TNIP1: variants seen among roughly 807,000 people sequenced by gnomAD.
TNIP1 encodes the protein TNFAIP3-interacting protein 1.
A neutral mutation model predicts 86.6 loss-of-function variants in TNIP1; 22 were observed. The ratio of observed to expected loss-of-function variants is 0.25; its 90% confidence interval spans 0.18 to 0.36. TNIP1 has a LOEUF of 0.36. Among genes scored for constraint, TNIP1 ranks in the 10% least tolerant of loss-of-function variants. The probability of loss-of-function intolerance (pLI) is 1.00; values close to 1 mark genes in which losing one functional copy is unlikely to be tolerated. For synonymous variants in TNIP1, 294 were observed against 313.0 expected (o/e 0.94, Z 0.64); for missense variants, 709 against 820.6 (o/e 0.86, Z 1.66).
intron 7 of TNIP1, 76 bp from the exon 8 acceptor site, chr5:151,050,023 T>G (rs1759701462): frequency 2.5e-6 from 4 of 1,595,386 alleles, no homozygotes; most frequent in Admixed American, 3.4e-5. Flanking sequence ...TAATGCTCAC[T>G]ATCGCATGAG....
intron 11 of TNIP1, among the ~76,000 whole-genome samples, chr5:151,039,722 A>C (rs1758178420): frequency 6.6e-6 from 1 of 152,242 alleles, no homozygotes; most frequent in African/African-American, 2.4e-5. Context: ...TAAACTACGG[A>C]TAATCCCTAA....
rs769905898 is a variant in TNIP1 at position 151,065,122 on chromosome 5, G to A, written c.-27C>T. 2 of 1,605,948 alleles carry A rather than the reference G, an allele frequency of 1.2e-6. No individual in the cohort carries two copies. The highest frequency in any genetic ancestry group is 2.2e-5 in the East Asian group (1 of 44,698). ...AGGGTAGCTCAGCCCCTGCCGTGGT[G>A]CCCGCCTGGCTGTAAGGACAACAGC... On this transcript the variant is annotated 5_prime_UTR_variant, in exon 2 of 18. Coordinates refer to ENST00000521591, the MANE Select transcript of TNIP1 (RefSeq NM_006058.5).
chr5:151,084,513 A>G (rs1764204990), upstream of TNIP1, among the ~76,000 whole-genome samples: 1 of 152,074 alleles, frequency 6.6e-6, no homozygotes, highest in South Asian at 2.1e-4. Context: ...GAGCCACACC[A>G]AGGGCCAGAG....
intron 1 of TNIP1, chr5:151,080,365 G>A (rs1763864654): frequency 6.6e-6 from 1 of 152,184 alleles, no homozygotes; most frequent in Non-Finnish European, 1.5e-5. Context: ...GTTTCCTAAA[G>A]TATAAAATGG....
At position 151,029,974 on chromosome 5, in the gene TNIP1, A is replaced by C. The variant is rs72558375; in HGVS notation, c.*739T>G. 260 of 433,186 alleles carry C rather than the reference A, an allele frequency of 6.0e-4. 1 individual carries two copies. The highest frequency in any genetic ancestry group is 1.0e-3 in the Non-Finnish European group (214 of 209,060). The allele number at this position is 433,186 out of a possible 1,614,324, so 26.8% of individuals were successfully genotyped here. Reference sequence around the variant, plus strand: ...TCTTCTTCAACTTGGATTTATGTCCATGATTCGTGCAAATAGCTATCCAGG... The same window carrying C: ...TCTTCTTCAACTTGGATTTATGTCCCTGATTCGTGCAAATAGCTATCCAGG... On this transcript the variant is annotated 3_prime_UTR_variant, in exon 18 of 18. Transcript: ENST00000521591.
At chr5:151,062,030 C>A (rs373701500) in intron 4 of TNIP1, 97 bp downstream of exon 4, 1 of 1,153,184 alleles carries the variant, frequency 8.7e-7, no homozygotes, top group African/African-American at 1.5e-5. Flanking sequence ...AACACAGTTT[C>A]TTGACCTCAA....
chr5:151,062,592 G>A (rs929820112), intron 3 of TNIP1, among the ~76,000 whole-genome samples: 11 of 152,194 alleles, frequency 7.2e-5, no homozygotes, highest in African/African-American at 2.7e-4. Flanking sequence ...AGGACACTGA[G>A]GCTTGGGAAG....
intron 1 of TNIP1, among the ~76,000 whole-genome samples, chr5:151,074,135 C>A (rs1451739609): frequency 6.6e-6 from 1 of 152,124 alleles, no homozygotes; most frequent in African/African-American, 2.4e-5. Context: ...AGAGAGAAGA[C>A]AACTGTCATT....
At chr5:151,032,032 G>A in intron 17 of TNIP1, 1 of 500,870 alleles carries the variant, frequency 2.0e-6, no homozygotes, top group Non-Finnish European at 3.5e-6. Context: ...GGCAAGGACT[G>A]TATCTGCTTC....
chr5:151,042,612 G>A lies in TNIP1; in HGVS notation c.1062C>T (p.Ala354=), dbSNP rs527934877. 4.7e-5 allele frequency: 76 copies of A among 1,613,830 alleles called. No homozygotes were observed. In the Admixed American group the frequency reaches 7.5e-4, roughly 16 times the overall value. Reference sequence around the variant, plus strand: ...AGTCACGCTGCTTCTGCTCCCGCTCGGCCTCCAGGTCAGTCACCTGCTTCT... The same window carrying A: ...AGTCACGCTGCTTCTGCTCCCGCTCAGCCTCCAGGTCAGTCACCTGCTTCT... The part of the protein sequence containing the change: ...DLQKQVTDLE[A]EREQKQRDFD... The change falls in exon 11 of 18, where the codon GCC becomes GCT. Residue 354 remains alanine, a synonymous_variant. Coordinates refer to ENST00000521591, the MANE Select transcript of TNIP1 (RefSeq NM_006058.5).
chr5:151,066,603 G>T (rs975205128), intron 1 of TNIP1, among the ~76,000 whole-genome samples: 54 of 152,234 alleles, frequency 3.5e-4, no homozygotes, highest in African/African-American at 1.3e-3. Context: ...CACCATGCTT[G>T]AATCGCCTCC....
intron 2 of TNIP1, among the ~76,000 whole-genome samples, chr5:151,064,210 G>C (rs1224481260): frequency 2.6e-5 from 4 of 152,178 alleles, no homozygotes; most frequent in African/African-American, 7.2e-5. Context: ...TGGAGATGGG[G>C]AAACCACTCC....
intron 9 of TNIP1, among the ~76,000 whole-genome samples, chr5:151,044,889 G>A (rs1171924894): frequency 2.6e-5 from 4 of 152,158 alleles, no homozygotes; most frequent in African/African-American, 7.2e-5. Flanking sequence ...AGCCTCTTAC[G>A]AACTGGCTCC....
In TNIP1 at chr5:151,039,087, A is replaced by C; in HGVS notation, c.1263+10T>G. The C allele has an allele frequency of 1.2e-6, 2 of 1,610,916 alleles. No homozygotes were observed. The highest frequency in any genetic ancestry group is 1.7e-6 in the Non-Finnish European group (2 of 1,178,506). ...GAGCCCAGCCAAGGGACCCGGGCCA[A>C]GGCACCCACCTTGTTGAGCCGCTGG... is the stretch of plus-strand genomic sequence containing the variant. On this transcript the variant is annotated intron_variant, in intron 12 of 17. Transcript: ENST00000521591.
intron 9 of TNIP1, 98 bp downstream of exon 9, chr5:151,045,763 T>A: frequency 8.1e-7 from 1 of 1,235,356 alleles, no homozygotes; most frequent in South Asian, 1.2e-5. Flanking sequence ...CATGGTGACC[T>A]GGGACCTGCC....
chr5:151,035,152 G>A, intron 14 of TNIP1, 85 bp from the exon 15 acceptor site: 2 of 1,456,598 alleles, frequency 1.4e-6, no homozygotes, highest in Non-Finnish European at 1.9e-6. Context: ...CAGCCACGAG[G>A]ACTGACCGGC....
At chr5:151,037,966 C>T (rs1220851326) in intron 12 of TNIP1, among the ~76,000 whole-genome samples, 2 of 152,236 alleles carry the variant, frequency 1.3e-5, no homozygotes, top group East Asian at 3.8e-4. Flanking sequence ...ATGCCTAGGT[C>T]ATGAGCAAAG....
intron 6 of TNIP1, among the ~76,000 whole-genome samples, chr5:151,053,970 A>G (rs558887114): frequency 1.3e-5 from 2 of 152,356 alleles, no homozygotes; most frequent in East Asian, 3.9e-4. Context: ...GACCAGGGCC[A>G]TTCACTAAAC....
chr5:151,046,739 T>C (rs954617255), intron 8 of TNIP1, among the ~76,000 whole-genome samples: 1 of 152,056 alleles, frequency 6.6e-6, no homozygotes, highest in Non-Finnish European at 1.5e-5. Context: ...GAAAAAAACA[T>C]CTATGGCCAA....
Sources: allele counts gnomAD v4.1 joint callset (sites outside exome capture counted in the v4.1 genomes callset), GRCh38; gene constraint gnomAD v4.1.1; transcripts MANE v1.5; gene names NCBI Gene and HGNC (gene_info 2026-07-23, HGNC 2026-07-21).